COL25A1: variants seen among roughly 807,000 people sequenced by gnomAD.
COL25A1 encodes collagen alpha-1(XXV) chain.
Under a neutral mutation model 128.4 loss-of-function variants are expected in COL25A1, and 103 were observed. The observed-to-expected ratio is 0.80, with a 90% CI of 0.68 to 0.94. The LOEUF (loss-of-function observed/expected upper bound fraction) is 0.94, where lower values mean the gene tolerates loss of function less well. Among genes scored for constraint, COL25A1 ranks in the 40% least tolerant of loss-of-function variants. COL25A1 has a pLI of 0.00. For synonymous variants in COL25A1, 279 were observed against 277.2 expected, an observed-to-expected ratio of 1.01 and a Z score of -0.06; for missense variants, 745 against 840.0, an observed-to-expected ratio of 0.89 and a Z score of 1.40.
chr4:108,878,084 T>G (rs1314060728), intron 19 of COL25A1, among the ~76,000 whole-genome samples: 2 of 152,296 alleles, frequency 1.3e-5, no homozygotes, highest in Middle Eastern at 3.4e-3. Context: ...CTCTATAAAC[T>G]TGCAGAATTT....
chr4:108,936,725 A>G (rs1747456955), intron 11 of COL25A1, among the ~76,000 whole-genome samples: 2 of 151,308 alleles, frequency 1.3e-5, no homozygotes, highest in African/African-American at 4.8e-5. Context: ...GCTGCTGAAT[A>G]CAATCCAAGC....
At chr4:109,126,926 A>G (rs1768679093) in intron 3 of COL25A1, among the ~76,000 whole-genome samples, 1 of 151,924 alleles carries the variant, frequency 6.6e-6, no homozygotes, top group Non-Finnish European at 1.5e-5. Context: ...TAAAAAAAAA[A>G]AGAAACGTCT....
At chr4:109,189,073 C>T (rs2126158264) in intron 3 of COL25A1, among the ~76,000 whole-genome samples, 1 of 152,156 alleles carries the variant, frequency 6.6e-6, no homozygotes, top group East Asian at 1.9e-4. Context: ...GATAATATTT[C>T]ATCGTGTATT....
chr4:109,236,024 G>A (rs1341777487), intron 3 of COL25A1, among the ~76,000 whole-genome samples: 1 of 151,712 alleles, frequency 6.6e-6, no homozygotes, highest in Non-Finnish European at 1.5e-5. Flanking sequence ...ACGTAATACT[G>A]ATTTCTTATA....
intron 3 of COL25A1, among the ~76,000 whole-genome samples, chr4:109,090,345 T>C (rs557796753): frequency 2.8e-4 from 43 of 152,192 alleles, no homozygotes; most frequent in Non-Finnish European, 5.4e-4. Flanking sequence ...TTATTTTTCT[T>C]CTACCTTTTG....
chr4:109,288,788 G>A (rs905578638), intron 3 of COL25A1, among the ~76,000 whole-genome samples: 6 of 152,000 alleles, frequency 3.9e-5, no homozygotes, highest in South Asian at 2.1e-4. Flanking sequence ...TAGCACCACC[G>A]CATGGGCCTA....
At chr4:109,113,743 C>A (rs570684811) in intron 3 of COL25A1, among the ~76,000 whole-genome samples, 4 of 152,102 alleles carry the variant, frequency 2.6e-5, no homozygotes, top group African/African-American at 9.6e-5. Flanking sequence ...ATGAGCACTA[C>A]ATATTTTCGT....
chr4:108,853,692 G>T (rs1736111069), intron 24 of COL25A1, among the ~76,000 whole-genome samples: 1 of 151,776 alleles, frequency 6.6e-6, no homozygotes, highest in South Asian at 2.1e-4. Context: ...ACAGGCCCTG[G>T]TGTGTGATGT....
chr4:108,818,063 A>G (rs1731416710), intron 36 of COL25A1, among the ~76,000 whole-genome samples: 1 of 144,682 alleles, frequency 6.9e-6, no homozygotes, highest in Non-Finnish European at 1.6e-5. Flanking sequence ...ACAAATTCTG[A>G]ATAAAATAAG....
intron 3 of COL25A1, among the ~76,000 whole-genome samples, chr4:109,168,892 T>C (rs556768336): frequency 6.6e-6 from 1 of 152,278 alleles, no homozygotes; most frequent in East Asian, 1.9e-4. Context: ...ATTTGCCATT[T>C]TGCATCCACA....
intron 8 of COL25A1, among the ~76,000 whole-genome samples, chr4:108,956,322 G>A (rs919710118): frequency 4.0e-5 from 6 of 151,092 alleles, no homozygotes; most frequent in Non-Finnish European, 7.4e-5. Context: ...ATTTATAACT[G>A]GTTGAACAAT....
chr4:108,957,598 G>A (rs1049028690), intron 8 of COL25A1, among the ~76,000 whole-genome samples: 1 of 152,166 alleles, frequency 6.6e-6, no homozygotes, highest in Non-Finnish European at 1.5e-5. Flanking sequence ...ATGAATGATT[G>A]AATTATTTTG....
At chr4:109,132,554 T>C (rs1769323343) in intron 3 of COL25A1, among the ~76,000 whole-genome samples, 1 of 152,172 alleles carries the variant, frequency 6.6e-6, no homozygotes, top group Non-Finnish European at 1.5e-5. Flanking sequence ...GATTCTATTC[T>C]ATCCAAAAAA....
intron 11 of COL25A1, among the ~76,000 whole-genome samples, chr4:108,921,590 CTG>C (rs1185944772): frequency 3.3e-5 from 5 of 152,130 alleles, no homozygotes; most frequent in Non-Finnish European, 7.4e-5. Flanking sequence ...CATTCTCACT[CTG>C]TAACACTAAA....
At chr4:109,257,896 T>G (rs534399587) in intron 3 of COL25A1, among the ~76,000 whole-genome samples, 1 of 152,142 alleles carries the variant, frequency 6.6e-6, no homozygotes, top group East Asian at 1.9e-4. Context: ...GTCACCAACA[T>G]GGAGAAGGAA....
At chr4:109,238,728 C>A (rs765724126) in intron 3 of COL25A1, among the ~76,000 whole-genome samples, 1 of 152,048 alleles carries the variant, frequency 6.6e-6, no homozygotes, top group Non-Finnish European at 1.5e-5. Context: ...CTCTGCTTCT[C>A]CTTGGGACTA....
chr4:108,998,077 C>T (rs1463384817), intron 6 of COL25A1, among the ~76,000 whole-genome samples: 1 of 152,152 alleles, frequency 6.6e-6, no homozygotes, highest in Non-Finnish European at 1.5e-5. Context: ...GACAAGAATG[C>T]CCCCTCTCAC....
Position 109,238,514 on chromosome 4 carries a change from T to C in COL25A1, c.367+62069A>G, listed in dbSNP as rs72672612. ...CTGCATGTGAGGCTCTGTAGACTAG[T>C]ATTAATGAACTTTCCTTTTGTCCTT... is the stretch of plus-strand genomic sequence containing the variant. On this transcript the variant is annotated intron_variant, in intron 3 of 37. Coordinates refer to ENST00000399132, the MANE Select transcript of COL25A1 (RefSeq NM_198721.4). 2.5e-3 allele frequency among the ~76,000 whole-genome samples: 386 copies of C among 152,168 alleles called. 1 individual carries two copies. Among genetic ancestry groups the C allele is most frequent in the Non-Finnish European group, 4.5e-3 (309 of 67,982 alleles).
At chr4:108,982,790 T>G (rs1283209464) in intron 6 of COL25A1, among the ~76,000 whole-genome samples, 1 of 152,222 alleles carries the variant, frequency 6.6e-6, no homozygotes, top group African/African-American at 2.4e-5. Context: ...TATTATTTTC[T>G]GGGCATTTTC....
Sources: gnomAD v4.1 joint callset for allele counts (sites outside exome capture counted in the v4.1 genomes callset) on GRCh38, gnomAD v4.1.1 for gene constraint, MANE v1.5 for transcripts, NCBI Gene and HGNC (gene_info 2026-07-23, HGNC 2026-07-21) for gene names.